ASPH: variants seen among roughly 807,000 people sequenced by gnomAD.
ASPH encodes the protein aspartyl/asparaginyl beta-hydroxylase.
In ASPH, 100 loss-of-function variants were observed where a neutral mutation model predicts 118.4. That is an observed-to-expected ratio of 0.84 (90% CI 0.72 to 1.00). ASPH has a LOEUF of 1.00. Among genes scored for constraint, ASPH ranks in the 50% least tolerant of loss-of-function variants. ASPH has a pLI of 0.00. For missense variants in ASPH, 920 were observed against 919.5 expected (o/e 1.00, Z -0.01); for synonymous variants, 315 against 325.6 (o/e 0.97, Z 0.35).
chr8:61,697,941 C>A (rs550011170), intron 1 of ASPH, among the ~76,000 whole-genome samples: 50 of 151,958 alleles, frequency 3.3e-4, no homozygotes, highest in Non-Finnish European at 5.6e-4. Flanking sequence ...CAGGCATGCA[C>A]CGCCATATGC....
At chr8:61,586,823 G>A (rs1024318535) in intron 14 of ASPH, among the ~76,000 whole-genome samples, 1 of 152,214 alleles carries the variant, frequency 6.6e-6, no homozygotes, top group Non-Finnish European at 1.5e-5. Context: ...CACTTGCTGA[G>A]TTGGTAGAAG....
At chr8:61,640,293 G>C (rs1193143648) in intron 10 of ASPH, among the ~76,000 whole-genome samples, 1 of 152,166 alleles carries the variant, frequency 6.6e-6, no homozygotes, top group African/African-American at 2.4e-5. Flanking sequence ...TGTCTCTCCA[G>C]TCTGTTTGTT....
intron 13 of ASPH, chr8:61,625,250 T>C: frequency 1.3e-5 from 13 of 985,764 alleles, no homozygotes; most frequent in Non-Finnish European, 1.6e-5. Flanking sequence ...ATCTTCAGTG[T>C]AGAAAGAAAA....
At chr8:61,630,945 C>CG (rs1240227260) in intron 13 of ASPH, among the ~76,000 whole-genome samples, 5 of 151,868 alleles carry the variant, frequency 3.3e-5, no homozygotes, top group Non-Finnish European at 7.4e-5. Context: ...CAAGATGTGG[C>CG]GGTGGAAGAC....
chr8:61,555,984 G>GACTTTAGCGAAGCCATAATGT lies in ASPH; in HGVS notation c.1475_1476insACATTATGGCTTCGCTAAAGT (p.Ala490_Phe496dup), dbSNP rs753181707. The GACTTTAGCGAAGCCATAATGT allele has an allele frequency of 8.7e-6, 14 of 1,613,882 alleles. No individual in the cohort carries two copies. In the South Asian group the frequency reaches 1.4e-4, roughly 16 times the overall value. ...GTGCCTTCAGGATGAAGCCATAATG[G>GACTTTAGCGAAGCCATAATGT]ACTTTAGCAAAGCCATCATTAGGTG... is the stretch of plus-strand genomic sequence containing the variant. On this transcript the variant is annotated inframe_insertion, in exon 19 of 25. Transcript: ENST00000379454.
intron 13 of ASPH, among the ~76,000 whole-genome samples, chr8:61,631,087 G>A (rs1369265617): frequency 6.6e-6 from 1 of 152,114 alleles, no homozygotes; most frequent in Non-Finnish European, 1.5e-5. Flanking sequence ...GAACATTTTT[G>A]TATGGCTATA....
intron 14 of ASPH, among the ~76,000 whole-genome samples, chr8:61,595,197 T>A (rs1842192353): frequency 6.6e-6 from 1 of 152,156 alleles, no homozygotes; most frequent in Non-Finnish European, 1.5e-5. Flanking sequence ...TAATCTTGCT[T>A]TATAGTAGAG....
chr8:61,708,706 C>T (rs937339382), intron 1 of ASPH, among the ~76,000 whole-genome samples: 1 of 152,176 alleles, frequency 6.6e-6, no homozygotes, highest in African/African-American at 2.4e-5. Context: ...AGGATATTCT[C>T]CTACTTTAAA....
At chr8:61,586,321 C>T (rs74652742) in intron 14 of ASPH, among the ~76,000 whole-genome samples, 4,587 of 152,196 alleles carry the variant, frequency 0.03, 229 homozygotes, top group African/African-American at 0.1. Flanking sequence ...TCCTGCATCA[C>T]GAAAATTATA....
intron 15 of ASPH, chr8:61,579,058 G>C (rs953334452): frequency 1.2e-6 from 2 of 1,610,980 alleles, no homozygotes; most frequent in Non-Finnish European, 1.7e-6. Context: ...GAGGCTGAGA[G>C]CATGTACCAG....
At chr8:61,582,116 G>A (rs1837757225) in intron 15 of ASPH, among the ~76,000 whole-genome samples, 1 of 152,164 alleles carries the variant, frequency 6.6e-6, no homozygotes, top group South Asian at 2.1e-4. Context: ...ATGTTGATGA[G>A]TCAGTCAATA....
intron 1 of ASPH, among the ~76,000 whole-genome samples, chr8:61,709,016 CA>C (rs1837432890): frequency 6.6e-6 from 1 of 152,086 alleles, no homozygotes; most frequent in Non-Finnish European, 1.5e-5. Flanking sequence ...CCAGATCCTT[CA>C]AAAGATGATT....
intron 14 of ASPH, among the ~76,000 whole-genome samples, chr8:61,587,425 T>C (rs867653631): frequency 5.9e-5 from 9 of 152,352 alleles, no homozygotes; most frequent in Admixed American, 1.3e-4. Context: ...AGAATGACAG[T>C]GAGACCTCCA....
At chr8:61,704,467 C>T (rs1005697062) in intron 1 of ASPH, among the ~76,000 whole-genome samples, 2 of 151,558 alleles carry the variant, frequency 1.3e-5, no homozygotes, top group African/African-American at 4.8e-5. Context: ...AGCTTTGAGA[C>T]GTGAGAATGT....
At chr8:61,559,942 G>T (rs1479806022) in intron 18 of ASPH, among the ~76,000 whole-genome samples, 1 of 1,950 alleles carries the variant, frequency 5.1e-4, no homozygotes, top group Non-Finnish European at 1.1e-3. Flanking sequence ...GGTGAGGGTT[G>T]GGGGGGGGAG....
chr8:61,694,119 C>T (rs1388559995), intron 1 of ASPH, among the ~76,000 whole-genome samples: 1 of 152,218 alleles, frequency 6.6e-6, no homozygotes, highest in African/African-American at 2.4e-5. Context: ...CATACTCAAA[C>T]TGCCATAGCC....
intron 21 of ASPH, among the ~76,000 whole-genome samples, chr8:61,537,040 G>A (rs1050574278): frequency 1.1e-4 from 17 of 152,156 alleles, no homozygotes; most frequent in African/African-American, 4.1e-4. Context: ...TGAGAGGAAG[G>A]AGAAAAGATA....
intron 16 of ASPH, among the ~76,000 whole-genome samples, chr8:61,575,457 T>C (rs1834820280): frequency 6.6e-6 from 1 of 152,172 alleles, no homozygotes; most frequent in Non-Finnish European, 1.5e-5. Flanking sequence ...CTAGAAAGCA[T>C]ATACATTGGA....
At chr8:61,671,669 T>G (rs1383917124) in intron 3 of ASPH, among the ~76,000 whole-genome samples, 2 of 152,214 alleles carry the variant, frequency 1.3e-5, no homozygotes, top group African/African-American at 4.8e-5. Context: ...TGGCAACTAT[T>G]TGGGAATTCT....
Sources: gnomAD v4.1 joint callset for allele counts (sites outside exome capture counted in the v4.1 genomes callset) on GRCh38, gnomAD v4.1.1 for gene constraint, MANE v1.5 for transcripts, NCBI Gene and HGNC (gene_info 2026-07-23, HGNC 2026-07-21) for gene names.